CAMTA1: variants seen among roughly 807,000 people sequenced by gnomAD.
The protein encoded by CAMTA1 is calmodulin-binding transcription activator 1.
CAMTA1 carries 27 observed loss-of-function variants against 170.9 expected under a neutral mutation model. The ratio of observed to expected loss-of-function variants is 0.16; its 90% CI spans 0.12 to 0.22. The LOEUF is 0.22. Among genes scored for constraint, CAMTA1 ranks in the 10% least tolerant of loss-of-function variants. The pLI is 1.00. For synonymous variants in CAMTA1, 833 were observed against 891.5 expected (o/e 0.93, Z 1.17); for missense variants, 1,619 against 2,217.2 (o/e 0.73, Z 5.42).
At chr1:6,922,088 T>G (rs1682139741) in intron 3 of CAMTA1, among the ~76,000 whole-genome samples, 1 of 152,228 alleles carries the variant, frequency 6.6e-6, no homozygotes, top group South Asian at 2.1e-4. Flanking sequence ...TACAAAATAT[T>G]TCTTCAGTTG....
intron 6 of CAMTA1, among the ~76,000 whole-genome samples, chr1:7,539,909 C>G (rs1164130028): frequency 6.6e-6 from 1 of 152,236 alleles, no homozygotes; most frequent in Admixed American, 6.5e-5. Context: ...GGGGATCAAG[C>G]AGCGCCCTCT....
At chr1:7,602,146 C>CCTT (rs1557986750) in intron 6 of CAMTA1, among the ~76,000 whole-genome samples, 15 of 90,782 alleles carry the variant, frequency 1.7e-4, no homozygotes, top group African/African-American at 4.2e-4. Flanking sequence ...CTTCCTTCCT[C>CCTT]CCTCCCTCCC....
chr1:7,340,342 C>T (rs528490145), intron 5 of CAMTA1, among the ~76,000 whole-genome samples: 1 of 152,214 alleles, frequency 6.6e-6, no homozygotes, highest in African/African-American at 2.4e-5. Context: ...CACTAGCCTA[C>T]CCCCGACTTA....
intron 3 of CAMTA1, among the ~76,000 whole-genome samples, chr1:6,838,364 C>T (rs1482343583): frequency 6.6e-6 from 1 of 152,158 alleles, no homozygotes; most frequent in Non-Finnish European, 1.5e-5. Context: ...ATCTCAGACT[C>T]ATCAGTCAGG....
At chr1:7,703,844 G>A (rs1470802286) in intron 11 of CAMTA1, among the ~76,000 whole-genome samples, 1 of 152,186 alleles carries the variant, frequency 6.6e-6, no homozygotes, top group South Asian at 2.1e-4. Context: ...TCGATTAAGA[G>A]GTGCGGCTCG....
intron 5 of CAMTA1, among the ~76,000 whole-genome samples, chr1:7,307,631 A>G (rs1224226001): frequency 1.3e-5 from 2 of 151,970 alleles, no homozygotes; most frequent in African/African-American, 4.8e-5. Context: ...TTTCTTCTTT[A>G]GATTCTTAAC....
intron 1 of CAMTA1, among the ~76,000 whole-genome samples, chr1:6,795,106 T>TG (rs373552634): frequency 6.6e-6 from 1 of 152,228 alleles, no homozygotes; most frequent in African/African-American, 2.4e-5. Flanking sequence ...GATTTAAAGT[T>TG]GGGGGGCGGC....
chr1:7,427,550 T>C (rs552475895), intron 5 of CAMTA1, among the ~76,000 whole-genome samples: 81 of 152,334 alleles, frequency 5.3e-4, no homozygotes, highest in African/African-American at 1.8e-3. Context: ...AGTATTTTAT[T>C]TGGGAATTCA....
chr1:7,157,945 G>T (rs1245645557), intron 4 of CAMTA1, among the ~76,000 whole-genome samples: 1 of 152,120 alleles, frequency 6.6e-6, no homozygotes, highest in Admixed American at 6.6e-5. Context: ...GGATCACGAG[G>T]TCAGGAGATC....
chr1:6,905,887 A>G (rs929565157), intron 3 of CAMTA1, among the ~76,000 whole-genome samples: 5 of 152,086 alleles, frequency 3.3e-5, no homozygotes, highest in Admixed American at 6.5e-5. Flanking sequence ...TGTGGACCCT[A>G]TGGGAAGTGC....
At chr1:7,496,733 G>A (rs528178350) in intron 6 of CAMTA1, among the ~76,000 whole-genome samples, 37 of 152,086 alleles carry the variant, frequency 2.4e-4, no homozygotes, top group Non-Finnish European at 4.7e-4. Context: ...GTGCTTGGAA[G>A]GTCGTGTTGT....
intron 3 of CAMTA1, among the ~76,000 whole-genome samples, chr1:6,941,205 T>C (rs1434795361): frequency 1.3e-5 from 2 of 152,096 alleles, no homozygotes; most frequent in Non-Finnish European, 2.9e-5. Context: ...AATAGCTGCA[T>C]GTAGAGTTCC....
rs914964124 is a variant in CAMTA1 at position 6,934,282 on chromosome 1, G to A, written c.234+109072G>A. Among the ~76,000 whole-genome samples the A allele has an allele frequency of 6.6e-6, 1 of 152,196 alleles. No homozygotes were observed. Among genetic ancestry groups the A allele is most frequent in the Admixed American group, 6.5e-5 (1 of 15,280 alleles). ...TGAGAAATGTGGACCGGAAGGATGAGGCATGCTCCCGGAAGTTAGCATCGC... is the reference window on the plus strand; with the variant it reads ...TGAGAAATGTGGACCGGAAGGATGAAGCATGCTCCCGGAAGTTAGCATCGC... On this transcript the variant is annotated intron_variant, in intron 3 of 22. Coordinates refer to ENST00000303635, the MANE Select transcript of CAMTA1 (RefSeq NM_015215.4). The surrounding 1 kb of genome is among the most constrained non-coding windows in gnomAD (Gnocchi z 4.5).
intron 6 of CAMTA1, among the ~76,000 whole-genome samples, chr1:7,564,035 G>T (rs1576087506): frequency 6.6e-6 from 1 of 152,164 alleles, no homozygotes; most frequent in Non-Finnish European, 1.5e-5. Context: ...TTGGTTTTAG[G>T]TTTTTAGAAT....
intron 5 of CAMTA1, among the ~76,000 whole-genome samples, chr1:7,429,927 G>C (rs1201096859): frequency 6.6e-6 from 1 of 152,084 alleles, no homozygotes; most frequent in Non-Finnish European, 1.5e-5. Context: ...ACCAGATCTA[G>C]TAAGAATTCA....
At chr1:7,190,752 C>T (rs969589969) in intron 4 of CAMTA1, among the ~76,000 whole-genome samples, 2 of 152,150 alleles carry the variant, frequency 1.3e-5, no homozygotes, top group African/African-American at 4.8e-5. Context: ...TTTAGGTGCA[C>T]GTAATGGTAA....
At chr1:7,222,820 G>A (rs1028879656) in intron 4 of CAMTA1, among the ~76,000 whole-genome samples, 1 of 152,218 alleles carries the variant, frequency 6.6e-6, no homozygotes, top group African/African-American at 2.4e-5. Flanking sequence ...GCTTCGCCGC[G>A]TGCCAGCTCT....
chr1:7,424,544 CAG>C (rs891550751), intron 5 of CAMTA1, among the ~76,000 whole-genome samples: 10 of 152,102 alleles, frequency 6.6e-5, no homozygotes, highest in African/African-American at 2.4e-4. Flanking sequence ...TGGGAGCAAA[CAG>C]GGCAGCCACG....
intron 1 of CAMTA1, among the ~76,000 whole-genome samples, chr1:6,800,562 C>G (rs565860616): frequency 6.6e-6 from 1 of 152,230 alleles, no homozygotes; most frequent in East Asian, 1.9e-4. Flanking sequence ...TATATGATTA[C>G]AGATGAAAAA....
Sources: allele counts gnomAD v4.1 joint callset (sites outside exome capture counted in the v4.1 genomes callset), GRCh38; gene constraint gnomAD v4.1.1; non-coding constraint Gnocchi (gnomAD v3.1); transcripts MANE v1.5; gene names NCBI Gene and HGNC (gene_info 2026-07-23, HGNC 2026-07-21).